CBFA2T3: variants seen among roughly 807,000 people sequenced by gnomAD.
The protein encoded by CBFA2T3 is CBFA2/RUNX1 partner transcriptional co-repressor 3.
CBFA2T3 carries 31 observed loss-of-function variants against 58.6 expected under a neutral mutation model. The ratio of observed to expected loss-of-function variants is 0.53; its 90% confidence interval spans 0.40 to 0.71. CBFA2T3 has a LOEUF of 0.71. CBFA2T3 is among the 30% of genes least tolerant of loss of function. The pLI, the probability that CBFA2T3 is intolerant of heterozygous loss-of-function variation, is 0.00. For missense variants in CBFA2T3, 1,076 were observed against 963.1 expected (o/e 1.12, Z -1.55); for synonymous variants, 531 against 421.9 (o/e 1.26, Z -3.17).
intron 1 of CBFA2T3, among the ~76,000 whole-genome samples, chr16:88,929,551 T>C (rs891910078): frequency 2.0e-5 from 3 of 152,238 alleles, no homozygotes; most frequent in Non-Finnish European, 4.4e-5. Flanking sequence ...CACAGCTGCA[T>C]GGTCCACGCA....
At chr16:88,881,015 T>C in intron 9 of CBFA2T3, 1 of 693,318 alleles carries the variant, frequency 1.4e-6, no homozygotes, top group Non-Finnish European at 2.6e-6. Context: ...GCCGTGTGTG[T>C]CCTGGGCCTC....
At chr16:88,960,480 G>T (rs961483130) in intron 1 of CBFA2T3, among the ~76,000 whole-genome samples, 1 of 152,244 alleles carries the variant, frequency 6.6e-6, no homozygotes, top group African/African-American at 2.4e-5. Flanking sequence ...CTACCGGAAC[G>T]AATCCATTTG....
intron 1 of CBFA2T3, among the ~76,000 whole-genome samples, chr16:88,904,387 T>C (rs1210350866): frequency 6.6e-6 from 1 of 151,512 alleles, no homozygotes; most frequent in South Asian, 2.1e-4. Context: ...CTCGGAGAGA[T>C]GAAGTCATCT....
intron 1 of CBFA2T3, among the ~76,000 whole-genome samples, chr16:88,936,408 C>T (rs113747100): frequency 2.0e-5 from 3 of 151,118 alleles, no homozygotes; most frequent in South Asian, 4.2e-4. Context: ...GGCAGCCAAG[C>T]ATCCACCACG....
At chr16:88,905,719 G>A (rs1211364229) in intron 1 of CBFA2T3, among the ~76,000 whole-genome samples, 1 of 138,910 alleles carries the variant, frequency 7.2e-6, no homozygotes, top group African/African-American at 2.9e-5. Context: ...CTGGAGGGGC[G>A]GGGCTGAAGG....
In CBFA2T3 at chr16:88,976,652, C is replaced by T. The variant is rs1381689956; in HGVS notation, c.151+5G>A. The T allele has an allele frequency of 1.3e-6, 2 of 1,555,642 alleles. No individual in the cohort carries two copies. Among genetic ancestry groups the T allele is most frequent in the Non-Finnish European group, 1.7e-6 (2 of 1,148,798 alleles). ...ACCCCACCACCTTCCCCTCGAGCCTCTTACCTGGGCCGCCCTTCCTGGGAC... is the reference window on the plus strand; with the variant it reads ...ACCCCACCACCTTCCCCTCGAGCCTTTTACCTGGGCCGCCCTTCCTGGGAC... On this transcript the variant is annotated splice_donor_5th_base_variant and intron_variant, in intron 1 of 11. Coordinates refer to ENST00000268679, the MANE Select transcript of CBFA2T3 (RefSeq NM_005187.6).
intron 1 of CBFA2T3, among the ~76,000 whole-genome samples, chr16:88,949,215 A>T (rs1971982059): frequency 6.6e-6 from 1 of 152,248 alleles, no homozygotes; most frequent in Non-Finnish European, 1.5e-5. Flanking sequence ...TTGGCCGTGT[A>T]GGCATGAGCA....
chr16:88,915,127 G>A (rs934093050), intron 1 of CBFA2T3, among the ~76,000 whole-genome samples: 5 of 150,322 alleles, frequency 3.3e-5, no homozygotes, highest in Admixed American at 1.3e-4. Flanking sequence ...ACCAAGGGAG[G>A]CAGCCGAATT....
At chr16:88,941,081 G>C (rs1408507411) in intron 1 of CBFA2T3, 23 of 984,930 alleles carry the variant, frequency 2.3e-5, no homozygotes, top group Non-Finnish European at 2.8e-5. Flanking sequence ...CTCGGTCCGG[G>C]AGTCGCTGCT....
At chr16:88,891,525 G>A (rs148375912) in intron 5 of CBFA2T3, among the ~76,000 whole-genome samples, 2,174 of 152,292 alleles carry the variant, frequency 0.014, 21 homozygotes, top group East Asian at 0.022. Flanking sequence ...CTGGCACGTC[G>A]TCAGTGCTCA....
chr16:88,945,485 C>A (rs573896324), intron 1 of CBFA2T3, among the ~76,000 whole-genome samples: 32 of 152,208 alleles, frequency 2.1e-4, no homozygotes, highest in African/African-American at 7.7e-4. Flanking sequence ...ACAAACAGCC[C>A]CATTAAAAAT....
intron 1 of CBFA2T3, among the ~76,000 whole-genome samples, chr16:88,972,719 C>G (rs542346629): frequency 6.6e-6 from 1 of 152,320 alleles, no homozygotes; most frequent in Admixed American, 6.5e-5. Context: ...GAACCTCAGT[C>G]TCTTCTTCTG....
chr16:88,885,358 G>A lies in CBFA2T3; in HGVS notation c.894-89C>T. 1 of 878,908 alleles carries A rather than the reference G, an allele frequency of 1.1e-6. No homozygotes were observed. Among genetic ancestry groups the A allele is most frequent in the Non-Finnish European group, 1.7e-6 (1 of 604,270 alleles). The allele number at this position is 878,908 out of a possible 1,614,324, so 54.4% of individuals were successfully genotyped here. On this transcript the variant is annotated intron_variant, in intron 6 of 11. Coordinates refer to ENST00000268679, the MANE Select transcript of CBFA2T3 (RefSeq NM_005187.6). The surrounding 1 kb of genome is among the most constrained non-coding windows in gnomAD (Gnocchi z 5.3). ...GGTGGGGTGAGAGGCAGACAGGCAA[G>A]GGCAGAGAGAAAGAGGACACGTAAG...
chr16:88,914,654 G>C (rs1381249026), intron 1 of CBFA2T3, among the ~76,000 whole-genome samples: 1 of 137,910 alleles, frequency 7.3e-6, no homozygotes, highest in Non-Finnish European at 1.5e-5. Flanking sequence ...GCCATCAAAG[G>C]TGCCATCAAA....
chr16:88,924,149 G>A (rs905246773), intron 1 of CBFA2T3, among the ~76,000 whole-genome samples: 6 of 151,082 alleles, frequency 4.0e-5, no homozygotes, highest in Non-Finnish European at 5.9e-5. Context: ...GCGGTGGGGC[G>A]GGGCAGGTGG....
chr16:88,964,454 C>A (rs561855161), intron 1 of CBFA2T3, among the ~76,000 whole-genome samples: 2 of 152,176 alleles, frequency 1.3e-5, no homozygotes, highest in Non-Finnish European at 2.9e-5. Context: ...AGAAAACTGA[C>A]AAGTTGCAAG....
At chr16:88,881,590 C>A in intron 8 of CBFA2T3, 101 bp from the exon 9 acceptor site, 1 of 1,229,412 alleles carries the variant, frequency 8.1e-7, no homozygotes, top group Non-Finnish European at 1.1e-6. Context: ...GATGGGTGCC[C>A]GACCAGCCCA....
Position 88,970,320 on chromosome 16 carries a change from C to T in CBFA2T3, c.151+6337G>A, listed in dbSNP as rs115395938. On this transcript the variant is annotated intron_variant, in intron 1 of 11. Coordinates refer to ENST00000268679, the MANE Select transcript of CBFA2T3 (RefSeq NM_005187.6). ...GGCTTCCTCAGGTGAAGCAAGGAGA[C>T]GGAGAGGTGGGTTCGGAGGGGCTCA... Among the ~76,000 whole-genome samples, 1,135 of 152,250 alleles carry T rather than the reference C, an allele frequency of 7.5e-3. 8 individuals carry two copies. The highest frequency in any genetic ancestry group is 0.025 in the African/African-American group (1,053 of 41,556).
chr16:88,941,171 C>A, intron 1 of CBFA2T3: 1 of 982,312 alleles, frequency 1.0e-6, no homozygotes, highest in Non-Finnish European at 1.2e-6. Context: ...CTCAGGCGCG[C>A]GGCGGGGCTG....
Sources: allele counts gnomAD v4.1 joint callset (sites outside exome capture counted in the v4.1 genomes callset), GRCh38; gene constraint gnomAD v4.1.1; non-coding constraint Gnocchi (gnomAD v3.1); transcripts MANE v1.5; gene names NCBI Gene and HGNC (gene_info 2026-07-23, HGNC 2026-07-21).